The following FGD4 variants were observed in gnomAD, a reference collection of about 807,000 sequenced individuals.
FGD4 encodes FYVE, RhoGEF and PH domain-containing protein 4.
A neutral mutation model predicts 102.0 loss-of-function variants in FGD4; 42 were observed. That is an observed-to-expected ratio of 0.41 (90% confidence interval 0.32 to 0.53). FGD4 has a LOEUF of 0.53. Among genes scored for constraint, FGD4 ranks in the 20% least tolerant of loss-of-function variants. The probability of loss-of-function intolerance (pLI) is 0.21; values close to 1 mark genes in which losing one functional copy is unlikely to be tolerated. For synonymous variants in FGD4, 380 were observed against 375.7 expected (o/e 1.01, Z -0.13); for missense variants, 902 against 1,078.2 (o/e 0.84, Z 2.29).
chr12:32,604,248 T>A lies in FGD4; in HGVS notation c.1404+1931T>A, dbSNP rs192787287. Reference sequence around the variant, plus strand: ...TTGCATTTGTAGATTGATTTTTTTTTAATCATTTTCAGAAGTTTTCAGCCA... The same window carrying A: ...TTGCATTTGTAGATTGATTTTTTTTAAATCATTTTCAGAAGTTTTCAGCCA... On this transcript the variant is annotated intron_variant, in intron 7 of 16. Transcript: ENST00000534526. Among the ~76,000 whole-genome samples, 740 of 152,318 alleles carry A rather than the reference T, an allele frequency of 4.9e-3. 7 individuals are homozygous for A. Among genetic ancestry groups the A allele is most frequent in the African/African-American group, 0.015 (636 of 41,560 alleles).
At chr12:32,489,690 C>T (rs529931760) in intron 1 of FGD4, among the ~76,000 whole-genome samples, 4 of 152,242 alleles carry the variant, frequency 2.6e-5, no homozygotes, top group East Asian at 3.9e-4. Context: ...CTATTAGACA[C>T]GGTGGTTTGT....
intron 1 of FGD4, among the ~76,000 whole-genome samples, chr12:32,412,567 A>T (rs570072032): frequency 6.6e-6 from 1 of 152,152 alleles, no homozygotes; most frequent in Non-Finnish European, 1.5e-5. Context: ...GCTTGAACCC[A>T]GAAGTTCAGG....
chr12:32,585,222 TTATATATATA>T (rs140227421), intron 4 of FGD4, among the ~76,000 whole-genome samples: 1,335 of 116,128 alleles, frequency 0.011, 27 homozygotes, highest in South Asian at 0.061. Context: ...CTCAAAAATT[TTATATATATA>T]TATATATATA....
chr12:32,443,185 T>C (rs953155701), intron 1 of FGD4, among the ~76,000 whole-genome samples: 13 of 152,188 alleles, frequency 8.5e-5, no homozygotes, highest in African/African-American at 3.1e-4. Context: ...AAGTCCATAG[T>C]AGGGTGCTTT....
chr12:32,512,110 A>G (rs1427588342), intron 1 of FGD4, among the ~76,000 whole-genome samples: 1 of 152,116 alleles, frequency 6.6e-6, no homozygotes, highest in Non-Finnish European at 1.5e-5. Flanking sequence ...AATTCTGGTG[A>G]GTGATCCTAA....
chr12:32,472,933 C>G (rs1222299112), intron 1 of FGD4, among the ~76,000 whole-genome samples: 1 of 151,950 alleles, frequency 6.6e-6, no homozygotes, highest in Non-Finnish European at 1.5e-5. Context: ...ATATACCAAT[C>G]GGCACTCTGT....
At chr12:32,578,153 C>T (rs1309988368) in intron 3 of FGD4, among the ~76,000 whole-genome samples, 4 of 151,930 alleles carry the variant, frequency 2.6e-5, no homozygotes, top group Non-Finnish European at 4.4e-5. Flanking sequence ...TTTTTTTAAG[C>T]AAGTTTGTTC....
Position 32,619,854 on chromosome 12 carries a change from C to T in FGD4, c.1906C>T (p.Leu636=), listed in dbSNP as rs182397244. The change falls in exon 11 of 17, where the codon CTG becomes TTG. Residue 636 remains leucine, a synonymous_variant. Coordinates refer to ENST00000534526, the MANE Select transcript of FGD4 (RefSeq NM_001370298.3). The part of the protein sequence containing the change: ...TFQVSGKERT[L]ELQASSAQDK... ...CCAGGTGTCTGGGAAAGAGAGAACA[C>T]TGGAACTGCAGGCCAGGTAAGGGAA... is the stretch of plus-strand genomic sequence containing the variant. 2.1e-5 allele frequency: 34 copies of T among 1,614,148 alleles called. No homozygotes were observed. In the Middle Eastern group the frequency reaches 8.2e-4, roughly 39 times the overall value.
At chr12:32,560,131 G>A (rs1388435362) in intron 1 of FGD4, among the ~76,000 whole-genome samples, 2 of 152,222 alleles carry the variant, frequency 1.3e-5, no homozygotes, top group Admixed American at 1.3e-4. Flanking sequence ...GAAAGGCCAA[G>A]TGGTTGCATG....
At chr12:32,611,458 C>T (rs930016122) in intron 10 of FGD4, among the ~76,000 whole-genome samples, 175 bp downstream of exon 10, 2 of 152,024 alleles carry the variant, frequency 1.3e-5, no homozygotes, top group Non-Finnish European at 2.9e-5. Context: ...AGTGTGGTGG[C>T]GGGTGCCTGT....
chr12:32,501,569 C>G (rs1211410052), intron 1 of FGD4, among the ~76,000 whole-genome samples: 2 of 152,178 alleles, frequency 1.3e-5, no homozygotes, highest in South Asian at 4.1e-4. Context: ...CCGCCTCTCC[C>G]CACAAAGTTC....
At chr12:32,548,819 G>A (rs1189362751) in intron 1 of FGD4, among the ~76,000 whole-genome samples, 1 of 152,238 alleles carries the variant, frequency 6.6e-6, no homozygotes, top group East Asian at 1.9e-4. Flanking sequence ...GCAGCCTCAA[G>A]GCTGGGAACA....
rs1420841316 is a variant in FGD4, at chr12:32,480,114, A to G, written c.166+80155A>G. Among the ~76,000 whole-genome samples, 4 of 149,622 alleles carry G rather than the reference A, an allele frequency of 2.7e-5. No homozygotes were observed. The East Asian group carries it at 8.0e-4, about 30-fold the overall frequency. ...GCCTGTAAAGTCTGTTTTTCAGCATATTCTGCTTATTTGCCCCAAATGGAT... is the reference window on the plus strand; with the variant it reads ...GCCTGTAAAGTCTGTTTTTCAGCATGTTCTGCTTATTTGCCCCAAATGGAT... On this transcript the variant is annotated intron_variant, in intron 1 of 16. Transcript: ENST00000534526.
chr12:32,422,614 A>G (rs1343152662), intron 1 of FGD4, among the ~76,000 whole-genome samples: 1 of 152,116 alleles, frequency 6.6e-6, no homozygotes, highest in Non-Finnish European at 1.5e-5. Flanking sequence ...ATTGAAATGT[A>G]GATTGGCCTA....
chr12:32,401,240 A>G (rs779634014), intron 1 of FGD4, among the ~76,000 whole-genome samples: 1 of 152,214 alleles, frequency 6.6e-6, no homozygotes, highest in Non-Finnish European at 1.5e-5. Flanking sequence ...AACTGTTTTC[A>G]GTTGGAGAAT....
intron 1 of FGD4, among the ~76,000 whole-genome samples, chr12:32,498,342 C>A (rs1937950430): frequency 6.6e-6 from 1 of 152,022 alleles, no homozygotes. Context: ...TTGATAGAGG[C>A]ATATTTTTGC....
chr12:32,430,677 GTTTTTCTAAGAGAA>G (rs1272772198), intron 1 of FGD4, among the ~76,000 whole-genome samples: 1 of 152,194 alleles, frequency 6.6e-6, no homozygotes, highest in Non-Finnish European at 1.5e-5. Flanking sequence ...ACTGGTATAT[GTTTTTCTAAGAGAA>G]TTTTTCTAAG....
chr12:32,477,067 C>T (rs1156304469), intron 1 of FGD4, among the ~76,000 whole-genome samples: 1 of 152,172 alleles, frequency 6.6e-6, no homozygotes, highest in African/African-American at 2.4e-5. Flanking sequence ...GCAGGCGGAT[C>T]ACCTGAGGTA....
chr12:32,435,562 A>G (rs1942202950), intron 1 of FGD4, among the ~76,000 whole-genome samples: 1 of 149,522 alleles, frequency 6.7e-6, no homozygotes, highest in Non-Finnish European at 1.5e-5. Context: ...TGTGGTTTCC[A>G]TCATTCGAAC....
Sources: gnomAD v4.1 joint callset for allele counts (sites outside exome capture counted in the v4.1 genomes callset) on GRCh38, gnomAD v4.1.1 for gene constraint, MANE v1.5 for transcripts, NCBI Gene and HGNC (gene_info 2026-07-23, HGNC 2026-07-21) for gene names.